TYW1B: variants seen among roughly 807,000 people sequenced by gnomAD.
TYW1B encodes tRNA-yW synthesizing protein 1 homolog B, also known as S-adenosyl-L-methionine-dependent tRNA 4-demethylwyosine synthase TYW1B.
Under a neutral mutation model 86.9 loss-of-function variants are expected in TYW1B, and 73 were observed. That is an observed-to-expected ratio of 0.84 (90% confidence interval 0.70 to 1.02). The LOEUF is 1.02. Among genes scored for constraint, TYW1B ranks in the 50% least tolerant of loss-of-function variants. The pLI is 0.00. For synonymous variants in TYW1B, 248 were observed against 292.8 expected (o/e 0.85, Z 1.56); for missense variants, 637 against 827.4 (o/e 0.77, Z 2.82).
chr7:72,805,846 A>G (rs1264521137), intron 5 of TYW1B, among the ~76,000 whole-genome samples: 2 of 152,086 alleles, frequency 1.3e-5, no homozygotes, highest in East Asian at 3.9e-4. Context: ...ATGGAGAGAG[A>G]AACAATGAGT....
intron 11 of TYW1B, among the ~76,000 whole-genome samples, chr7:72,691,648 G>A (rs1814163978): frequency 6.6e-6 from 1 of 152,124 alleles, no homozygotes; most frequent in African/African-American, 2.4e-5. Context: ...TGTCAGATGG[G>A]CCTGACTTTG....
At chr7:72,791,500 G>A (rs1328236007) in intron 6 of TYW1B, among the ~76,000 whole-genome samples, 2 of 152,078 alleles carry the variant, frequency 1.3e-5, no homozygotes, top group African/African-American at 2.4e-5. Context: ...AGAACAGGAC[G>A]GGCACAGTGG....
chr7:72,634,573 C>T (rs1217434331), intron 11 of TYW1B, among the ~76,000 whole-genome samples: 50 of 150,482 alleles, frequency 3.3e-4, no homozygotes, highest in African/African-American at 1.2e-3. Flanking sequence ...GATATGTATA[C>T]ATTCGACCTT....
intron 12 of TYW1B, among the ~76,000 whole-genome samples, chr7:72,620,312 G>A (rs183508106): frequency 3.2e-4 from 49 of 152,310 alleles, no homozygotes; most frequent in African/African-American, 1.1e-3. Context: ...CAGGAGAATC[G>A]CTCGAACCCA....
rs372264581 is a variant in TYW1B, at chr7:72,608,854, G to A, written c.1785+7818C>T. Among the ~76,000 whole-genome samples the A allele has an allele frequency of 2.7e-4, 41 of 152,312 alleles. 2 individuals carry two copies. Among genetic ancestry groups the A allele is most frequent in the Admixed American group, 2.2e-3 (33 of 15,302 alleles). On this transcript the variant is annotated intron_variant, in intron 13 of 13. Coordinates refer to ENST00000620995, the MANE Select transcript of TYW1B (RefSeq NM_001145440.3). The stretch of plus-strand genomic sequence containing the variant: ...GGATAGTTGGTATCGGACTACAAAG[G>A]AATAGCATGAGAAAGATCTTTGTGG...
intron 13 of TYW1B, among the ~76,000 whole-genome samples, chr7:72,592,160 TA>T (rs56146824): frequency 0.086 from 8,853 of 103,014 alleles, 335 homozygotes; most frequent in East Asian, 0.24. Context: ...ACTAATGTGT[TA>T]AAAAAAAAAA....
chr7:72,789,791 T>C (rs1422922502), intron 6 of TYW1B, among the ~76,000 whole-genome samples: 40 of 152,036 alleles, frequency 2.6e-4, no homozygotes, highest in African/African-American at 9.4e-4. Flanking sequence ...TTTTTTTTTA[T>C]GATAAGCTTT....
In TYW1B at chr7:72,810,506, G is replaced by A; in HGVS notation, c.397C>T (p.Leu133=). 1 of 1,613,818 alleles carries A rather than the reference G, an allele frequency of 6.2e-7. No individual in the cohort carries two copies. Among genetic ancestry groups the A allele is most frequent in the Non-Finnish European group, 8.5e-7 (1 of 1,179,830 alleles). ...TGGCTAGCATAGGCAGAATTTCCCA[G>A]GCCAAATACCGCATCTCTCATACCC... ...LKGMRDAVFG[L]GNSAYASHFN... is the part of the protein sequence containing the mutation. Residue 133 remains leucine, a synonymous_variant, in exon 4 of 14, where the codon CTG becomes TTG. Transcript: ENST00000620995.
At chr7:72,604,345 C>T (rs1554434419) in intron 13 of TYW1B, among the ~76,000 whole-genome samples, 1 of 151,850 alleles carries the variant, frequency 6.6e-6, no homozygotes, top group Non-Finnish European at 1.5e-5. Flanking sequence ...GCTTGTAATC[C>T]CAGCTACTCA....
chr7:72,592,642 C>G (rs1554431724), intron 13 of TYW1B, among the ~76,000 whole-genome samples: 1 of 152,152 alleles, frequency 6.6e-6, no homozygotes, highest in East Asian at 1.9e-4. Flanking sequence ...TCTATGCTAT[C>G]TACAATAGAT....
intron 8 of TYW1B, among the ~76,000 whole-genome samples, chr7:72,738,065 C>T (rs1315431550): frequency 2.3e-4 from 34 of 146,940 alleles, no homozygotes; most frequent in South Asian, 2.2e-4. Flanking sequence ...TGAGCCACCG[C>T]GCCTGGCCAT....
At chr7:72,669,779 AT>A (rs1317250738) in intron 11 of TYW1B, among the ~76,000 whole-genome samples, 5 of 151,754 alleles carry the variant, frequency 3.3e-5, no homozygotes, top group Admixed American at 2.6e-4. Flanking sequence ...CGGAAAAAAA[AT>A]AATAATAAAT....
chr7:72,787,164 T>C (rs1788143221), intron 6 of TYW1B, among the ~76,000 whole-genome samples: 1 of 152,010 alleles, frequency 6.6e-6, no homozygotes, highest in Non-Finnish European at 1.5e-5. Context: ...AGAAAATGTA[T>C]AAGCAAATTT....
At chr7:72,623,981 T>A (rs1812284199) in intron 12 of TYW1B, among the ~76,000 whole-genome samples, 1 of 152,042 alleles carries the variant, frequency 6.6e-6, no homozygotes. Flanking sequence ...TTTGTATTTT[T>A]AGTAGAGACA....
intron 11 of TYW1B, among the ~76,000 whole-genome samples, chr7:72,686,747 TA>T (rs781874727): frequency 1.3e-5 from 2 of 152,178 alleles, no homozygotes; most frequent in Non-Finnish European, 2.9e-5. Context: ...TCAGTTATAA[TA>T]AATGTGCCAC....
At chr7:72,749,406 G>A (rs1425831801) in intron 7 of TYW1B, among the ~76,000 whole-genome samples, 1 of 152,058 alleles carries the variant, frequency 6.6e-6, no homozygotes, top group African/African-American at 2.4e-5. Flanking sequence ...CCATTCTCCT[G>A]CCTCAGCCTC....
At chr7:72,590,058 G>A (rs1811360423) in intron 13 of TYW1B, among the ~76,000 whole-genome samples, 1 of 152,190 alleles carries the variant, frequency 6.6e-6, no homozygotes, top group Non-Finnish European at 1.5e-5. Context: ...AGATGCTGGA[G>A]TAGAAAGCAC....
Position 72,797,252 on chromosome 7 carries a change from T to C in TYW1B, c.846+5148A>G, listed in dbSNP as rs183169483. Among the ~76,000 whole-genome samples the C allele has an allele frequency of 8.5e-5, 13 of 152,266 alleles. No individual in the cohort carries two copies. In the East Asian group the frequency reaches 2.5e-3, roughly 29 times the overall value. On this transcript the variant is annotated intron_variant, in intron 6 of 13. Transcript: ENST00000620995. ...TTAGAATTTAGGGCCAGCCTGACCT[T>C]TGAGGAAAAGAAGTATACTGGAGAT...
At chr7:72,797,237 G>A (rs1306086378) in intron 6 of TYW1B, among the ~76,000 whole-genome samples, 1 of 152,186 alleles carries the variant, frequency 6.6e-6, no homozygotes, top group East Asian at 1.9e-4. Context: ...TTAGAATTTA[G>A]GGCCAGCCTG....
Sources: allele counts gnomAD v4.1 joint callset (sites outside exome capture counted in the v4.1 genomes callset), GRCh38; gene constraint gnomAD v4.1.1; transcripts MANE v1.5; gene names NCBI Gene and HGNC (gene_info 2026-07-23, HGNC 2026-07-21).